The following DNAH5 variants were observed in gnomAD, a reference collection of about 807,000 sequenced individuals.
The protein encoded by DNAH5 is axonemal beta dynein heavy chain 5.
Under a neutral mutation model 518.2 loss-of-function variants are expected in DNAH5, and 372 were observed. That is an observed-to-expected ratio of 0.72 (90% CI 0.66 to 0.78). The LOEUF (loss-of-function observed/expected upper bound fraction) is 0.78, where lower values mean the gene tolerates loss of function less well. Ranked by LOEUF, DNAH5 falls within the 30% of genes least tolerant of loss-of-function variation. The pLI is 0.00. For synonymous variants in DNAH5, 2,039 were observed against 2,025.9 expected (o/e 1.01, Z -0.17); for missense variants, 5,523 against 5,687.0 (o/e 0.97, Z 0.93).
Position 13,864,639 on chromosome 5 carries a change from T to C in DNAH5, c.4356-2A>G, listed in dbSNP as rs2151908925. 1 of 1,614,124 alleles carries C rather than the reference T, an allele frequency of 6.2e-7. No homozygotes were observed. The highest frequency in any genetic ancestry group is 8.5e-7 in the Non-Finnish European group (1 of 1,179,988). Reference sequence around the variant, plus strand: ...AAGGCCCGGGGAAGCTTTCGACATCTGTGAAGGGACACCAACATGAAAGGC... The same window carrying C: ...AAGGCCCGGGGAAGCTTTCGACATCCGTGAAGGGACACCAACATGAAAGGC... On this transcript the variant is annotated splice_acceptor_variant, in intron 27 of 78. Coordinates refer to ENST00000265104, the MANE Select transcript of DNAH5 (RefSeq NM_001369.3). LOFTEE classifies it high-confidence loss of function.
intron 53 of DNAH5, among the ~76,000 whole-genome samples, chr5:13,778,756 T>A (rs1754635507): frequency 6.6e-6 from 1 of 152,168 alleles, no homozygotes; most frequent in African/African-American, 2.4e-5. Flanking sequence ...GGTTCCCAAA[T>A]GAGAGTCTCT....
At chr5:13,709,908 T>A (rs1448006891) in intron 75 of DNAH5, among the ~76,000 whole-genome samples, 1 of 152,134 alleles carries the variant, frequency 6.6e-6, no homozygotes, top group Non-Finnish European at 1.5e-5. Context: ...CGGCATATAA[T>A]CTTGGGAGTT....
Position 13,810,064 on chromosome 5 carries a change from G to GGC in DNAH5, c.7602_7603dup (p.Pro2535ArgfsTer37). The GGC allele has an allele frequency of 6.4e-7, 1 of 1,552,098 alleles. No individual in the cohort carries two copies. The highest frequency in any genetic ancestry group is 8.7e-7 in the Non-Finnish European group (1 of 1,148,180). ...GGACGGGCAGGTGTCCTCACCATCG[G>GGC]GCGCCACATAGTAGTCGAAGGCGGT... is the stretch of plus-strand genomic sequence containing the variant. On this transcript the variant is annotated frameshift_variant, in exon 45 of 79. Coordinates refer to ENST00000265104, the MANE Select transcript of DNAH5 (RefSeq NM_001369.3). LOFTEE classifies it high-confidence loss of function.
intron 78 of DNAH5, among the ~76,000 whole-genome samples, chr5:13,693,439 T>C (rs1017821771): frequency 6.6e-6 from 1 of 152,242 alleles, no homozygotes; most frequent in African/African-American, 2.4e-5. Flanking sequence ...TTTTTACATA[T>C]CCACTATAAA....
At chr5:13,854,335 C>T (rs1450360193) in intron 30 of DNAH5, among the ~76,000 whole-genome samples, 1 of 152,180 alleles carries the variant, frequency 6.6e-6, no homozygotes, top group Non-Finnish European at 1.5e-5. Flanking sequence ...ACTTTGTCAG[C>T]ACCAGGCCTG....
rs1177196382 is a variant in DNAH5, at chr5:13,823,541, T to TA, written c.6580-172dup. On this transcript the variant is annotated intron_variant, in intron 39 of 78. Transcript: ENST00000265104. ...CATTTTCCTCATCTTTCCCATAAATTAAAAAAAATAAAATAAAGAGGAAAA... is the reference window on the plus strand; with the variant it reads ...CATTTTCCTCATCTTTCCCATAAATTAAAAAAAAATAAAATAAAGAGGAAAA... Among the ~76,000 whole-genome samples, 10 of 151,342 alleles carry TA rather than the reference T, an allele frequency of 6.6e-5. No homozygotes were observed. In the East Asian group the frequency reaches 1.4e-3, roughly 21 times the overall value.
intron 63 of DNAH5, among the ~76,000 whole-genome samples, chr5:13,752,968 T>C (rs906795329): frequency 3.5e-4 from 53 of 152,352 alleles, no homozygotes; most frequent in Admixed American, 2.9e-3. Context: ...TCTGCCGTTC[T>C]GTACTTATCA....
chr5:13,727,423 A>T, intron 70 of DNAH5, 84 bp downstream of exon 70: 1 of 1,318,500 alleles, frequency 7.6e-7, no homozygotes, highest in South Asian at 1.4e-5. Context: ...ACTGGAATTC[A>T]CATTTAAAAT....
chr5:13,870,159 G>A (rs1203013121), intron 24 of DNAH5, among the ~76,000 whole-genome samples: 1 of 152,132 alleles, frequency 6.6e-6, no homozygotes, highest in Non-Finnish European at 1.5e-5. Context: ...CCTTATGTGA[G>A]GAGTAGGAGC....
intron 35 of DNAH5, among the ~76,000 whole-genome samples, chr5:13,837,682 G>A (rs577771052): frequency 6.7e-6 from 1 of 148,436 alleles, no homozygotes; most frequent in East Asian, 2.0e-4. Flanking sequence ...ATTCCTATTT[G>A]GGAACTCCAC....
At chr5:13,848,332 C>A (rs923506251) in intron 31 of DNAH5, among the ~76,000 whole-genome samples, 1 of 152,144 alleles carries the variant, frequency 6.6e-6, no homozygotes, top group African/African-American at 2.4e-5. Context: ...TTTAAAAAGC[C>A]TCCTTAGGTT....
At chr5:13,692,527 G>A (rs927381315) in intron 78 of DNAH5, among the ~76,000 whole-genome samples, 8 of 152,060 alleles carry the variant, frequency 5.3e-5, no homozygotes, top group Admixed American at 2.0e-4. Context: ...AGCACCAGTG[G>A]GCATTACTTT....
intron 68 of DNAH5, among the ~76,000 whole-genome samples, chr5:13,732,026 A>G (rs1746628990): frequency 6.6e-6 from 1 of 151,870 alleles, no homozygotes; most frequent in African/African-American, 2.4e-5. Flanking sequence ...CTAGCTACTC[A>G]GGAGGATCAC....
chr5:13,982,496 T>TTGCATGAGTGAGTAGACATATGCATTAC (rs1408985868), intron 1 of DNAH5, among the ~76,000 whole-genome samples: 3 of 142,694 alleles, frequency 2.1e-5, no homozygotes, highest in East Asian at 1.9e-4. Flanking sequence ...ATATGCACTA[T>TTGCATGAGTGAGTAGACATATGCATTAC]TGCATGAGTG....
At chr5:13,865,025 T>G (rs77507875) in intron 27 of DNAH5, among the ~76,000 whole-genome samples, 1 of 107,524 alleles carries the variant, frequency 9.3e-6, no homozygotes, top group South Asian at 3.2e-4. Flanking sequence ...TTTTTTTTTT[T>G]TTGAGACGGA....
At chr5:13,755,666 C>T (rs762792454) in intron 61 of DNAH5, among the ~76,000 whole-genome samples, 3 of 152,168 alleles carry the variant, frequency 2.0e-5, no homozygotes, top group Non-Finnish European at 4.4e-5. Context: ...AACTAACAGT[C>T]CATCGGAGAG....
chr5:13,717,299 G>A lies in DNAH5; in HGVS notation c.12705+16C>T, dbSNP rs370688558. On this transcript the variant is annotated intron_variant, in intron 73 of 78. Coordinates refer to ENST00000265104, the MANE Select transcript of DNAH5 (RefSeq NM_001369.3). ...CCACAGCCACTAGAGGCATGAGGCA[G>A]CATGCGCGGCAGTACCTTTTTGACA... The A allele has an allele frequency of 2.5e-5, 41 of 1,610,392 alleles. No homozygotes were observed. The highest frequency in any genetic ancestry group is 2.0e-4 in the Admixed American group (12 of 59,816).
At chr5:13,752,877 C>T (rs897906408) in intron 63 of DNAH5, among the ~76,000 whole-genome samples, 6 of 152,076 alleles carry the variant, frequency 3.9e-5, no homozygotes, top group Non-Finnish European at 7.4e-5. Context: ...TTTTCTTCAC[C>T]ACTACCACTT....
intron 57 of DNAH5, 21 bp downstream of exon 57, chr5:13,769,480 C>G: frequency 6.3e-7 from 1 of 1,585,294 alleles, no homozygotes; most frequent in Non-Finnish European, 8.7e-7. Context: ...GAATGTGGCA[C>G]ATGTGTAAAT....
Sources: gnomAD v4.1 joint callset for allele counts (sites outside exome capture counted in the v4.1 genomes callset) on GRCh38, gnomAD v4.1.1 for gene constraint, MANE v1.5 for transcripts, NCBI Gene and HGNC (gene_info 2026-07-23, HGNC 2026-07-21) for gene names.